The following TMEM108 variants were observed in gnomAD, a reference collection of about 807,000 sequenced individuals.
The protein encoded by TMEM108 is transmembrane protein 108, also known as cancer/testis antigen 124.
Under a neutral mutation model 35.1 loss-of-function variants are expected in TMEM108, and 12 were observed. The observed-to-expected ratio is 0.34, with a 90% CI of 0.22 to 0.55. TMEM108 has a LOEUF of 0.55. Ranked by LOEUF, TMEM108 falls within the 20% of genes least tolerant of loss-of-function variation. TMEM108 has a pLI of 0.89. For missense variants in TMEM108, 680 were observed against 753.3 expected, an observed-to-expected ratio of 0.90 and a Z score of 1.14; for synonymous variants, 287 against 308.6, an observed-to-expected ratio of 0.93 and a Z score of 0.73.
chr3:133,188,625 T>C (rs535500893), intron 2 of TMEM108, among the ~76,000 whole-genome samples: 1 of 152,282 alleles, frequency 6.6e-6, no homozygotes, highest in African/African-American at 2.4e-5. Flanking sequence ...TTAGGATTAG[T>C]TCAGGACACT....
Position 133,329,368 on chromosome 3 carries a change from C to T in TMEM108, c.41-50384C>T, listed in dbSNP as rs562173984. Among the ~76,000 whole-genome samples the T allele has an allele frequency of 2.6e-5, 4 of 152,210 alleles. No individual in the cohort carries two copies. The East Asian group carries it at 7.7e-4, about 29-fold the overall frequency. On this transcript the variant is annotated intron_variant, in intron 3 of 5. Transcript: ENST00000321871. ...TGCTGAGAAAGGTAAATATTTTTCC[C>T]TATGCAGGTGACACATTACTGCTTC...
intron 4 of TMEM108, chr3:133,389,683 C>CAA (rs769371033): frequency 0.1 from 10,292 of 100,062 alleles, 573 homozygotes; most frequent in Non-Finnish European, 0.12. Flanking sequence ...TAGACTCCAT[C>CAA]AAAAAAAAAA....
At chr3:133,258,848 CA>C (rs2107674167) in intron 3 of TMEM108, among the ~76,000 whole-genome samples, 1 of 152,318 alleles carries the variant, frequency 6.6e-6, no homozygotes, top group African/African-American at 2.4e-5. Context: ...ATGTAGGCAA[CA>C]ATTCACTGAT....
chr3:133,279,704 C>T (rs960035307), intron 3 of TMEM108, among the ~76,000 whole-genome samples: 3 of 152,156 alleles, frequency 2.0e-5, no homozygotes, highest in African/African-American at 7.2e-5. Context: ...CAGCACAGCA[C>T]TTTATAGATA....
intron 2 of TMEM108, among the ~76,000 whole-genome samples, chr3:133,163,789 A>G (rs755703111): frequency 6.6e-6 from 1 of 152,076 alleles, no homozygotes; most frequent in Non-Finnish European, 1.5e-5. Context: ...TAATTTTGCC[A>G]TTGGGTGTAG....
At chr3:133,259,387 G>C (rs1374839434) in intron 3 of TMEM108, among the ~76,000 whole-genome samples, 2 of 152,214 alleles carry the variant, frequency 1.3e-5, no homozygotes, top group Non-Finnish European at 2.9e-5. Context: ...CAAGACCACA[G>C]GTTCTGGACT....
chr3:133,258,001 T>C (rs1946571338), intron 3 of TMEM108, among the ~76,000 whole-genome samples: 1 of 152,166 alleles, frequency 6.6e-6, no homozygotes, highest in East Asian at 1.9e-4. Context: ...AAATACCATT[T>C]ATAACCTGCT....
chr3:133,315,102 C>T (rs1170036116), intron 3 of TMEM108, among the ~76,000 whole-genome samples: 7 of 152,138 alleles, frequency 4.6e-5, no homozygotes, highest in South Asian at 2.1e-4. Context: ...AAGATAACAT[C>T]GATCAAGTGC....
intron 3 of TMEM108, among the ~76,000 whole-genome samples, chr3:133,327,377 T>C (rs774319648): frequency 1.3e-5 from 2 of 152,182 alleles, no homozygotes; most frequent in African/African-American, 2.4e-5. Flanking sequence ...GACAGAAGTA[T>C]GTAAATACCA....
intron 2 of TMEM108, among the ~76,000 whole-genome samples, chr3:133,196,482 C>T (rs1945578753): frequency 6.6e-6 from 1 of 152,086 alleles, no homozygotes; most frequent in Non-Finnish European, 1.5e-5. Context: ...TGATGTAGTC[C>T]TTTTTGAAAG....
chr3:133,065,284 C>CCA (rs57783382), intron 2 of TMEM108, among the ~76,000 whole-genome samples: 40,305 of 149,848 alleles, frequency 0.27, 5,715 homozygotes, highest in Non-Finnish European at 0.33. Context: ...ACATAGGTAG[C>CCA]CACACACACA....
At chr3:133,098,731 T>C (rs1017386909) in intron 2 of TMEM108, among the ~76,000 whole-genome samples, 3 of 152,122 alleles carry the variant, frequency 2.0e-5, no homozygotes, top group Non-Finnish European at 2.9e-5. Flanking sequence ...AGTGGGGCAG[T>C]CAAATTTTAA....
chr3:133,128,694 G>A (rs1944448616), intron 2 of TMEM108, among the ~76,000 whole-genome samples: 1 of 152,096 alleles, frequency 6.6e-6, no homozygotes, highest in Admixed American at 6.6e-5. Flanking sequence ...CACATAGTTT[G>A]ATCATCTACT....
At chr3:133,228,198 A>AG (rs1946102273) in intron 2 of TMEM108, among the ~76,000 whole-genome samples, 1 of 152,080 alleles carries the variant, frequency 6.6e-6, no homozygotes, top group Non-Finnish European at 1.5e-5. Context: ...GTAAAAAAAA[A>AG]AAAATTAAAG....
At chr3:133,352,959 C>T (rs1018646509) in intron 3 of TMEM108, among the ~76,000 whole-genome samples, 8 of 152,186 alleles carry the variant, frequency 5.3e-5, no homozygotes, top group African/African-American at 4.8e-5. Flanking sequence ...TTGGTTGGTT[C>T]CCCTGGCAAC....
rs528570414 is a variant in TMEM108, at chr3:133,337,207, T to C, written c.41-42545T>C. On this transcript the variant is annotated intron_variant, in intron 3 of 5. Transcript: ENST00000321871. ...AAAGAACCCCAGGACCTTTAGCAAATGGTAGCCAGGTAGTAGTTATAGCAG... is the reference window on the plus strand; with the variant it reads ...AAAGAACCCCAGGACCTTTAGCAAACGGTAGCCAGGTAGTAGTTATAGCAG... 3.9e-5 allele frequency among the ~76,000 whole-genome samples: 6 copies of C among 152,256 alleles called. No individual in the cohort carries two copies. The South Asian group carries it at 1.2e-3, about 32-fold the overall frequency.
intron 3 of TMEM108, among the ~76,000 whole-genome samples, chr3:133,301,726 G>A (rs1947228003): frequency 6.6e-6 from 1 of 152,116 alleles, no homozygotes; most frequent in Admixed American, 6.5e-5. Flanking sequence ...CTGCAAGCCT[G>A]TACCGACTAA....
intron 2 of TMEM108, among the ~76,000 whole-genome samples, chr3:133,100,728 TGAAGTCTGAAACCTG>T (rs1250543034): frequency 6.6e-6 from 1 of 152,232 alleles, no homozygotes; most frequent in Non-Finnish European, 1.5e-5. Flanking sequence ...ATCCATTCCA[TGAAGTCTGAAACCTG>T]GAAGCAATTT....
chr3:133,143,921 C>CTTTTATTTTATTTTA lies in TMEM108; in HGVS notation c.-46-85295_-46-85281dup, dbSNP rs3078779. Reference sequence around the variant, plus strand: ...ATTCTACAAGGGAAAGGAAGGCTCACTTTTATTTTATTTTATTTTATTTTA... The same window carrying CTTTTATTTTATTTTA: ...ATTCTACAAGGGAAAGGAAGGCTCACTTTTATTTTATTTTATTTTATTTTATTTTATTTTATTTTA... On this transcript the variant is annotated intron_variant, in intron 2 of 5. Coordinates refer to ENST00000321871, the MANE Select transcript of TMEM108 (RefSeq NM_023943.4). Among the ~76,000 whole-genome samples the CTTTTATTTTATTTTA allele has an allele frequency of 4.9e-3, 646 of 131,242 alleles. 6 individuals carry two copies. The highest frequency in any genetic ancestry group is 0.014 in the African/African-American group (478 of 33,860). The allele number at this position is 131,242 out of a possible 152,430, so 86.1% of individuals were successfully genotyped here.
Sources: gnomAD v4.1 joint callset for allele counts (sites outside exome capture counted in the v4.1 genomes callset) on GRCh38, gnomAD v4.1.1 for gene constraint, MANE v1.5 for transcripts, NCBI Gene and HGNC (gene_info 2026-07-23, HGNC 2026-07-21) for gene names.